The following ZCCHC24 variants were observed in gnomAD, a reference collection of about 807,000 sequenced individuals.
ZCCHC24 encodes zinc finger CCHC-type containing 24.
ZCCHC24 carries 10 observed loss-of-function variants against 26.2 expected under a neutral mutation model. That is an observed-to-expected ratio of 0.38 (90% CI 0.24 to 0.65). The LOEUF (loss-of-function observed/expected upper bound fraction) is 0.65, where lower values mean the gene tolerates loss of function less well. ZCCHC24 is among the 30% of genes least tolerant of loss of function. The pLI, the probability that ZCCHC24 is intolerant of heterozygous loss-of-function variation, is 0.54. For synonymous variants in ZCCHC24, 144 were observed against 147.1 expected (o/e 0.98, Z 0.15); for missense variants, 243 against 329.1 (o/e 0.74, Z 2.03).
rs534396338 is a variant in ZCCHC24, at chr10:79,439,801, A to G, written c.246+5394T>C. The stretch of plus-strand genomic sequence containing the variant: ...CAGAGCCAGACTCCATCAAAAAAAA[A>G]AAAAAAAAGACATGCTTTACCAGAG... On this transcript the variant is annotated intron_variant, in intron 1 of 3. Transcript: ENST00000372336. 8.2e-3 allele frequency among the ~76,000 whole-genome samples: 1,248 copies of G among 151,928 alleles called. 6 individuals carry two copies. Among genetic ancestry groups the G allele is most frequent in the Non-Finnish European group, 0.012 (814 of 67,954 alleles).
intron 2 of ZCCHC24, chr10:79,409,061 T>A (rs1358942781): frequency 6.6e-6 from 1 of 152,260 alleles, no homozygotes; most frequent in African/African-American, 2.4e-5. Flanking sequence ...TGCCCTGCCA[T>A]GGCCGGGGGC....
At chr10:79,397,272 C>G (rs1215280333) in intron 2 of ZCCHC24, among the ~76,000 whole-genome samples, 1 of 152,226 alleles carries the variant, frequency 6.6e-6, no homozygotes, top group Non-Finnish European at 1.5e-5. Flanking sequence ...TCAGCCTGAG[C>G]TCCAGGGCAG....
intron 2 of ZCCHC24, among the ~76,000 whole-genome samples, chr10:79,404,185 C>T (rs1416499349): frequency 6.6e-6 from 1 of 152,212 alleles, no homozygotes; most frequent in Non-Finnish European, 1.5e-5. Flanking sequence ...AGCCCCCCAA[C>T]ACCCCGTGCC....
Position 79,398,174 on chromosome 10 carries a change from G to A in ZCCHC24, c.448-3734C>T, listed in dbSNP as rs117197590. 7.9e-3 allele frequency among the ~76,000 whole-genome samples: 1,208 copies of A among 152,262 alleles called. 9 individuals are homozygous for A. The highest frequency in any genetic ancestry group is 0.02 in the Middle Eastern group (6 of 294). On this transcript the variant is annotated intron_variant, in intron 2 of 3. Coordinates refer to ENST00000372336, the MANE Select transcript of ZCCHC24 (RefSeq NM_153367.4). ...GTCAGGCCAGGCACTGGGAGGGCCCGGCTCCAACACGCCATTGCATGGGAT... is the reference window on the plus strand; with the variant it reads ...GTCAGGCCAGGCACTGGGAGGGCCCAGCTCCAACACGCCATTGCATGGGAT...
intron 1 of ZCCHC24, among the ~76,000 whole-genome samples, chr10:79,439,383 G>A (rs1306132030): frequency 6.6e-6 from 1 of 152,128 alleles, no homozygotes; most frequent in Non-Finnish European, 1.5e-5. Flanking sequence ...AAGGTGAAGA[G>A]GCTCAGGAGA....
Position 79,384,338 on chromosome 10 carries a change from A to C in ZCCHC24, c.*2007T>G, listed in dbSNP as rs546158167. On this transcript the variant is annotated 3_prime_UTR_variant, in exon 4 of 4. Coordinates refer to ENST00000372336, the MANE Select transcript of ZCCHC24 (RefSeq NM_153367.4). ...AGGCATCCTTGGGCCAAGGTCCCCCATGGCCGGGTCCCTGGAAGGGTTGGC... is the reference window on the plus strand; with the variant it reads ...AGGCATCCTTGGGCCAAGGTCCCCCCTGGCCGGGTCCCTGGAAGGGTTGGC... 1 of 152,442 alleles carries C rather than the reference A, an allele frequency of 6.6e-6. No homozygotes were observed. The highest frequency in any genetic ancestry group is 2.4e-5 in the African/African-American group (1 of 41,566). 9.4% of individuals were successfully genotyped at this position (152,442 alleles called of 1,614,324 possible). A position where few individuals can be genotyped will look rare whatever the true frequency, so the allele number is the denominator to read the frequency against.
At chr10:79,429,157 C>T (rs531516356) in intron 2 of ZCCHC24, among the ~76,000 whole-genome samples, 1 of 152,296 alleles carries the variant, frequency 6.6e-6, no homozygotes, top group South Asian at 2.1e-4. Flanking sequence ...AAATATTATG[C>T]TAAGTGAAAG....
intron 2 of ZCCHC24, among the ~76,000 whole-genome samples, chr10:79,405,876 G>T (rs991369966): frequency 2.6e-5 from 4 of 152,268 alleles, no homozygotes; most frequent in Non-Finnish European, 4.4e-5. Context: ...GGGCCACTCT[G>T]GCAGAGGCCT....
chr10:79,411,631 G>A (rs1382577752), intron 2 of ZCCHC24, among the ~76,000 whole-genome samples: 3 of 152,128 alleles, frequency 2.0e-5, no homozygotes, highest in Non-Finnish European at 4.4e-5. Flanking sequence ...CACTGCCCAC[G>A]GGTGCCCCAC....
chr10:79,443,707 G>T (rs1589683313), intron 1 of ZCCHC24, among the ~76,000 whole-genome samples: 1 of 152,222 alleles, frequency 6.6e-6, no homozygotes, highest in East Asian at 1.9e-4. Context: ...GTCACCTGAA[G>T]CCAATTCCCT....
chr10:79,444,797 C>T (rs1857339872), intron 1 of ZCCHC24, among the ~76,000 whole-genome samples: 1 of 152,170 alleles, frequency 6.6e-6, no homozygotes, highest in African/African-American at 2.4e-5. Flanking sequence ...GTGGCCAGGA[C>T]GAGGATAAGG....
At chr10:79,388,985 C>T (rs536861401) in intron 3 of ZCCHC24, among the ~76,000 whole-genome samples, 26 of 152,306 alleles carry the variant, frequency 1.7e-4, no homozygotes, top group African/African-American at 5.8e-4. Context: ...TACTGCCTAC[C>T]GCCTGCAGCT....
chr10:79,400,298 A>C (rs891371285), intron 2 of ZCCHC24, among the ~76,000 whole-genome samples: 2 of 152,278 alleles, frequency 1.3e-5, no homozygotes, highest in African/African-American at 4.8e-5. Flanking sequence ...AGCATGAGTT[A>C]GGACAATGTA....
rs561884774 is a variant in ZCCHC24 at position 79,423,581 on chromosome 10, CTATA to C, written c.447+8973_447+8976del. On this transcript the variant is annotated intron_variant, in intron 2 of 3. Coordinates refer to ENST00000372336, the MANE Select transcript of ZCCHC24 (RefSeq NM_153367.4). ...AACAAAAACAAACAAAATATATATA[CTATA>C]TATATATATATATATATATATATAT... is the stretch of plus-strand genomic sequence containing the variant. 1.1e-4 allele frequency among the ~76,000 whole-genome samples: 6 copies of C among 53,746 alleles called. 1 individual carries two copies. Among genetic ancestry groups the C allele is most frequent in the African/African-American group, 3.8e-4 (5 of 12,992 alleles). 35.3% of individuals were successfully genotyped at this position (53,746 alleles called of 152,430 possible).
rs868250677 is a variant in ZCCHC24, at chr10:79,392,110, A to G, written c.612+2166T>C. Among the ~76,000 whole-genome samples the G allele has an allele frequency of 2.4e-4, 37 of 151,822 alleles. 1 individual carries two copies. Among genetic ancestry groups the G allele is most frequent in the Non-Finnish European group, 2.9e-5 (2 of 67,946 alleles). On this transcript the variant is annotated intron_variant, in intron 3 of 3. Coordinates refer to ENST00000372336, the MANE Select transcript of ZCCHC24 (RefSeq NM_153367.4). ...CGATGCCCCACGATGAAGCACGGTC[A>G]TCATACTTTTACAAATAGGCCCACC...
intron 3 of ZCCHC24, among the ~76,000 whole-genome samples, chr10:79,393,885 G>C (rs1030195855): frequency 6.6e-6 from 1 of 152,104 alleles, no homozygotes; most frequent in East Asian, 1.9e-4. Context: ...GCTGCCTGAG[G>C]TAAGACCTTC....
At position 79,383,968 on chromosome 10, in the gene ZCCHC24, C is replaced by T. The variant is rs1856357670; in HGVS notation, c.*2377G>A. 6.5e-6 allele frequency: 1 copy of T among 152,802 alleles called. No homozygotes were observed. The highest frequency in any genetic ancestry group is 2.1e-4 in the South Asian group (1 of 4,830). 9.5% of individuals were successfully genotyped at this position (152,802 alleles called of 1,614,324 possible). On this transcript the variant is annotated 3_prime_UTR_variant, in exon 4 of 4. Transcript: ENST00000372336. ...GTACTAAAACCACACACTTTCCCAT[C>T]CCCTGGGCTCCTGGCCCTCTGAGCA...
chr10:79,416,688 T>G (rs904658080), intron 2 of ZCCHC24, among the ~76,000 whole-genome samples: 2 of 152,186 alleles, frequency 1.3e-5, no homozygotes, highest in Non-Finnish European at 2.9e-5. Context: ...TTCCTTTTTT[T>G]GCACATATTT....
chr10:79,383,454 A>G lies in ZCCHC24; in HGVS notation c.*2891T>C, dbSNP rs896262533. The G allele has an allele frequency of 6.6e-6, 1 of 152,412 alleles. No individual in the cohort carries two copies. The highest frequency in any genetic ancestry group is 2.4e-5 in the African/African-American group (1 of 41,454). The allele number at this position is 152,412 out of a possible 1,614,324, so 9.4% of individuals were successfully genotyped here. ...AACCAACCAAAAACCCAATAACGGG[A>G]AACAGAAAAGTTCTCACCATAAATA... On this transcript the variant is annotated 3_prime_UTR_variant, in exon 4 of 4. Transcript: ENST00000372336.
Sources: allele counts gnomAD v4.1 joint callset (sites outside exome capture counted in the v4.1 genomes callset), GRCh38; gene constraint gnomAD v4.1.1; transcripts MANE v1.5; gene names NCBI Gene and HGNC (gene_info 2026-07-23, HGNC 2026-07-21).